TAFA2: variants seen among roughly 807,000 people sequenced by gnomAD.
The protein encoded by TAFA2 is chemokine-like protein TAFA-2.
A neutral mutation model predicts 18.8 loss-of-function variants in TAFA2; 7 were observed. That is an observed-to-expected ratio of 0.37 (90% CI 0.21 to 0.70). The LOEUF is 0.70. Ranked by LOEUF, TAFA2 falls within the 30% of genes least tolerant of loss-of-function variation. The pLI is 0.53. For synonymous variants in TAFA2, 60 were observed against 54.2 expected, an observed-to-expected ratio of 1.11 and a Z score of -0.47; for missense variants, 122 against 158.1, an observed-to-expected ratio of 0.77 and a Z score of 1.23.
At chr12:62,166,532 T>C (rs1230803668) in intron 1 of TAFA2, among the ~76,000 whole-genome samples, 7 of 152,186 alleles carry the variant, frequency 4.6e-5, no homozygotes, top group South Asian at 2.1e-4. Context: ...CTTCAACTTT[T>C]GCTTCCTTTC....
chr12:61,955,600 C>CAAAAAAAA (rs869189343), intron 1 of TAFA2, among the ~76,000 whole-genome samples: 2 of 38,944 alleles, frequency 5.1e-5, no homozygotes, highest in African/African-American at 2.5e-4. Flanking sequence ...GACTCCATCT[C>CAAAAAAAA]AAAAAAAAAA....
chr12:61,997,191 GTATATATATA>G (rs763945776), intron 1 of TAFA2, among the ~76,000 whole-genome samples: 5 of 150,700 alleles, frequency 3.3e-5, no homozygotes, highest in South Asian at 2.1e-4. Context: ...GTGTGTGTGT[GTATATATATA>G]TATATAACCC....
At chr12:62,205,961 G>T (rs1055233971) in intron 1 of TAFA2, among the ~76,000 whole-genome samples, 1 of 152,172 alleles carries the variant, frequency 6.6e-6, no homozygotes, top group Non-Finnish European at 1.5e-5. Flanking sequence ...TCCCTTGGTT[G>T]GGAGTGAAAG....
intron 1 of TAFA2, among the ~76,000 whole-genome samples, chr12:62,221,798 G>T (rs566290719): frequency 1.3e-5 from 2 of 152,166 alleles, no homozygotes; most frequent in East Asian, 3.9e-4. Context: ...GATGCAAAAA[G>T]CTCTGACCAT....
intron 1 of TAFA2, among the ~76,000 whole-genome samples, chr12:62,079,468 C>T (rs1198315207): frequency 6.9e-6 from 1 of 144,190 alleles, no homozygotes; most frequent in Non-Finnish European, 1.5e-5. Context: ...GTCTGGCCAA[C>T]ATGGTGAAAC....
At chr12:61,776,280 G>T in intron 2 of TAFA2, 1 of 189,102 alleles carries the variant, frequency 5.3e-6, no homozygotes, top group Non-Finnish European at 1.1e-5. Context: ...GGAAACCAAA[G>T]AGAAATAAAG....
chr12:61,969,129 GACA>G (rs1434966865), intron 1 of TAFA2, among the ~76,000 whole-genome samples: 1 of 151,716 alleles, frequency 6.6e-6, no homozygotes. Flanking sequence ...ATATCATTAT[GACA>G]TTGGAGCACT....
At chr12:61,838,382 A>ACT (rs1242262606) in intron 2 of TAFA2, among the ~76,000 whole-genome samples, 11 of 151,966 alleles carry the variant, frequency 7.2e-5, no homozygotes, top group Non-Finnish European at 1.3e-4. Context: ...AGTTTCTGTA[A>ACT]CTCTCAACCC....
intron 1 of TAFA2, among the ~76,000 whole-genome samples, chr12:61,965,196 C>T (rs1879026374): frequency 6.6e-6 from 1 of 151,752 alleles, no homozygotes; most frequent in Non-Finnish European, 1.5e-5. Context: ...GGGTAGAGTC[C>T]TCATGGATGG....
Position 61,882,315 on chromosome 12 carries a change from T to A in TAFA2, c.-1-14889A>T, listed in dbSNP as rs142022103. Among the ~76,000 whole-genome samples, 224 of 152,316 alleles carry A rather than the reference T, an allele frequency of 1.5e-3. 2 individuals are homozygous for A. The highest frequency in any genetic ancestry group is 5.2e-3 in the African/African-American group (216 of 41,576). On this transcript the variant is annotated intron_variant, in intron 1 of 4. Transcript: ENST00000416284. Reference sequence around the variant, plus strand: ...TGAGCTAGAAGTAGCAATCACAGCATCTGCACTTTGGCGTCGGGAGAAAAA... The same window carrying A: ...TGAGCTAGAAGTAGCAATCACAGCAACTGCACTTTGGCGTCGGGAGAAAAA...
At chr12:61,981,422 A>G (rs1879631648) in intron 1 of TAFA2, among the ~76,000 whole-genome samples, 1 of 152,114 alleles carries the variant, frequency 6.6e-6, no homozygotes, top group Non-Finnish European at 1.5e-5. Flanking sequence ...GTCTAAAACA[A>G]CAAAAGCAAT....
At position 62,235,373 on chromosome 12, in the gene TAFA2, G is replaced by A; in HGVS notation, c.-130+23390C>T. ...TTGGTAGGCCATGGTTCCAAGAGGT[G>A]TGCACTCCGGAGCTTCCAGAAGATG... On this transcript the variant is annotated intron_variant, in intron 1 of 5. Transcript: ENST00000551619. The A allele has an allele frequency of 4.6e-6, 3 of 650,316 alleles. No individual in the cohort carries two copies. In the East Asian group the frequency reaches 7.8e-5, roughly 17 times the overall value. The allele number at this position is 650,316 out of a possible 1,614,324, so 40.3% of individuals were successfully genotyped here.
chr12:61,790,265 C>G (rs61367602), intron 2 of TAFA2, among the ~76,000 whole-genome samples: 2 of 151,602 alleles, frequency 1.3e-5, no homozygotes, highest in Non-Finnish European at 2.9e-5. Flanking sequence ...TAACATCATA[C>G]TAAATGGAGA....
At chr12:62,233,987 T>C (rs568735269) in intron 1 of TAFA2, among the ~76,000 whole-genome samples, 1 of 152,202 alleles carries the variant, frequency 6.6e-6, no homozygotes, top group Non-Finnish European at 1.5e-5. Context: ...CCAGCTTATC[T>C]CCTTGGCAGC....
intron 1 of TAFA2, among the ~76,000 whole-genome samples, chr12:62,111,856 C>A (rs1480083685): frequency 1.3e-5 from 2 of 152,166 alleles, no homozygotes; most frequent in African/African-American, 2.4e-5. Context: ...AATCCTCCAT[C>A]CCTTTATTTT....
chr12:62,091,596 G>C lies in TAFA2; in HGVS notation c.-2+99663C>G, dbSNP rs193162141. Among the ~76,000 whole-genome samples, 3 of 152,038 alleles carry C rather than the reference G, an allele frequency of 2.0e-5. No individual in the cohort carries two copies. In the East Asian group the frequency reaches 5.8e-4, roughly 30 times the overall value. ...AGCAGCTAGAACATCACAACTGATA[G>C]GTCAGTTGATACTCTGAGCCAGTGA... On this transcript the variant is annotated intron_variant, in intron 1 of 4. Coordinates refer to ENST00000416284, the MANE Select transcript of TAFA2 (RefSeq NM_178539.5).
At chr12:61,961,480 T>C (rs191590355) in intron 1 of TAFA2, among the ~76,000 whole-genome samples, 1 of 152,158 alleles carries the variant, frequency 6.6e-6, no homozygotes, top group Admixed American at 6.6e-5. Context: ...TTCATTTTTG[T>C]TAACTGGGAG....
intron 1 of TAFA2, among the ~76,000 whole-genome samples, chr12:61,994,125 T>G (rs1415009851): frequency 6.6e-6 from 1 of 152,194 alleles, no homozygotes; most frequent in Non-Finnish European, 1.5e-5. Context: ...TTCACAGATA[T>G]GTTCACTTGA....
At chr12:62,042,368 C>T (rs142284662) in intron 1 of TAFA2, among the ~76,000 whole-genome samples, 269 of 151,790 alleles carry the variant, frequency 1.8e-3, no homozygotes, top group African/African-American at 6.1e-3. Context: ...CAATTCTGAC[C>T]ACCAGATTTA....
Sources: allele counts gnomAD v4.1 joint callset (sites outside exome capture counted in the v4.1 genomes callset), GRCh38; gene constraint gnomAD v4.1.1; transcripts MANE v1.5; gene names NCBI Gene and HGNC (gene_info 2026-07-23, HGNC 2026-07-21).